Variants in SAE1 observed in about 807,000 individuals in gnomAD.
SAE1 encodes SUMO1 activating enzyme subunit 1, also known as SUMO-activating enzyme subunit 1.
In SAE1, 11 loss-of-function variants were observed where a neutral mutation model predicts 40.6. The observed-to-expected ratio is 0.27, with a 90% confidence interval of 0.17 to 0.45. The LOEUF (loss-of-function observed/expected upper bound fraction) is 0.45. Ranked by LOEUF, SAE1 falls within the 20% of genes least tolerant of loss-of-function variation. The pLI is 1.00. For synonymous variants in SAE1, 155 were observed against 154.3 expected, an observed-to-expected ratio of 1.00 and a Z score of -0.03; for missense variants, 373 against 427.3, an observed-to-expected ratio of 0.87 and a Z score of 1.12.
intron 8 of SAE1, among the ~76,000 whole-genome samples, chr19:47,208,480 G>A (rs986992190): frequency 5.3e-5 from 8 of 151,108 alleles, no homozygotes; most frequent in African/African-American, 9.7e-5. Flanking sequence ...TCACTGTGTC[G>A]CCCAGGCTGG....
At chr19:47,134,617 G>A (rs538950543) in intron 1 of SAE1, among the ~76,000 whole-genome samples, 1 of 152,146 alleles carries the variant, frequency 6.6e-6, no homozygotes, top group Non-Finnish European at 1.5e-5. Context: ...GATCCTAAAG[G>A]GTTGGGGAGG....
rs1186578867 is a variant in SAE1, at chr19:47,160,520, G to T, written c.627+5307G>T. Among the ~76,000 whole-genome samples, 6 of 148,914 alleles carry T rather than the reference G, an allele frequency of 4.0e-5. No homozygotes were observed. In the South Asian group the frequency reaches 1.1e-3, roughly 27 times the overall value. ...TGCCGTTCTCCTGCCTCAGCCTCCC[G>T]AGTAGCTGGGACTACAGATGCCCGC... On this transcript the variant is annotated intron_variant, in intron 5 of 8. Coordinates refer to ENST00000270225, the MANE Select transcript of SAE1 (RefSeq NM_005500.3).
chr19:47,138,699 G>A (rs950578662), intron 1 of SAE1, among the ~76,000 whole-genome samples: 4 of 152,092 alleles, frequency 2.6e-5, no homozygotes, highest in African/African-American at 9.7e-5. Flanking sequence ...AACAAGTAGT[G>A]TAGCTTAGCA....
In SAE1 at chr19:47,130,886, G is replaced by C. The variant is rs1313904658; in HGVS notation, c.-45G>C. 4.5e-6 allele frequency: 7 copies of C among 1,546,368 alleles called. No individual in the cohort carries two copies. The highest frequency in any genetic ancestry group is 2.0e-5 in the Admixed American group (1 of 50,524). ...AGGTGGCGCGCGGGTCCGGCGGGCG[G>C]TTGGCTTGAGCGGGACCGGAGCTGA... On this transcript the variant is annotated 5_prime_UTR_variant, in exon 1 of 9. Transcript: ENST00000270225.
At chr19:47,147,916 G>A (rs1777559897) in intron 2 of SAE1, among the ~76,000 whole-genome samples, 2 of 151,550 alleles carry the variant, frequency 1.3e-5, no homozygotes, top group African/African-American at 4.8e-5. Flanking sequence ...CCACCACCAC[G>A]CCTGGCTAAT....
chr19:47,198,775 G>A (rs1344910313), intron 7 of SAE1, among the ~76,000 whole-genome samples: 1 of 152,182 alleles, frequency 6.6e-6, no homozygotes, highest in African/African-American at 2.4e-5. Flanking sequence ...TGAAGCACCT[G>A]TGGTGCCCTG....
intron 7 of SAE1, 104 bp downstream of exon 7, chr19:47,197,481 A>C (rs910829611): frequency 1.6e-4 from 149 of 939,652 alleles, no homozygotes; most frequent in Admixed American, 1.5e-4. Context: ...TTCAGAGAGC[A>C]CCCTGCCACA....
At chr19:47,177,091 T>G (rs2058473901) in intron 6 of SAE1, among the ~76,000 whole-genome samples, 1 of 152,224 alleles carries the variant, frequency 6.6e-6, no homozygotes, top group African/African-American at 2.4e-5. Context: ...CTTGGCAATC[T>G]TAACTTGCTC....
chr19:47,157,201 A>G (rs1399098487), intron 5 of SAE1, among the ~76,000 whole-genome samples: 4 of 152,174 alleles, frequency 2.6e-5, no homozygotes, highest in African/African-American at 9.7e-5. Flanking sequence ...ATACAGAGGA[A>G]TTAAGCCCTA....
At chr19:47,158,925 G>A (rs1237546047) in intron 5 of SAE1, among the ~76,000 whole-genome samples, 1 of 152,200 alleles carries the variant, frequency 6.6e-6, no homozygotes, top group East Asian at 1.9e-4. Flanking sequence ...TAGGAGGATG[G>A]TGGGATAAAA....
At chr19:47,167,532 G>C (rs148433112) in intron 5 of SAE1, among the ~76,000 whole-genome samples, 1 of 152,144 alleles carries the variant, frequency 6.6e-6, no homozygotes, top group Admixed American at 6.6e-5. Flanking sequence ...GAGCCACTGC[G>C]CCCAGCCAAC....
chr19:47,150,389 T>TA lies in SAE1; in HGVS notation c.384+15dup. ...CAATTCGATGCTGTAAGTTTCTTAT[T>TA]ATAAAATCTGCTGTGGGAATTAAAC... On this transcript the variant is annotated intron_variant, in intron 3 of 8. Coordinates refer to ENST00000270225, the MANE Select transcript of SAE1 (RefSeq NM_005500.3). 6.3e-7 allele frequency: 1 copy of TA among 1,587,642 alleles called. No homozygotes were observed. The highest frequency in any genetic ancestry group is 1.1e-5 in the South Asian group (1 of 87,772).
chr19:47,210,272 T>C lies in SAE1; in HGVS notation c.*1021T>C, dbSNP rs890127951. The C allele has an allele frequency of 6.6e-6, 1 of 152,168 alleles. No homozygotes were observed. Among genetic ancestry groups the C allele is most frequent in the East Asian group, 1.9e-4 (1 of 5,198 alleles). 9.4% of individuals were successfully genotyped at this position (152,168 alleles called of 1,614,324 possible). On this transcript the variant is annotated 3_prime_UTR_variant, in exon 9 of 9. Coordinates refer to ENST00000270225, the MANE Select transcript of SAE1 (RefSeq NM_005500.3). ...CCAGTTGCCTTTTCAGACCTGAGGC[T>C]CTAACTCAAGAGATTCCTCCTCTCC...
chr19:47,208,674 T>G (rs560304120), intron 8 of SAE1, among the ~76,000 whole-genome samples: 83 of 152,242 alleles, frequency 5.5e-4, no homozygotes, highest in African/African-American at 1.9e-3. Flanking sequence ...ATCCGCCCAC[T>G]TCAGCCTCCC....
chr19:47,193,538 C>T (rs2058593066), intron 6 of SAE1, among the ~76,000 whole-genome samples: 1 of 150,552 alleles, frequency 6.6e-6, no homozygotes, highest in Non-Finnish European at 1.5e-5. Context: ...AAAGAAATTA[C>T]CAGCTGGGTG....
Position 47,155,208 on chromosome 19 carries a change from A to G in SAE1, c.622A>G (p.Lys208Glu). Reference sequence around the variant, plus strand: ...TGATTCTTCTGAGACAACGATGGTCAAAAAGGTATGTGTAACGTGGGGGCA... The same window carrying G: ...TGATTCTTCTGAGACAACGATGGTCGAAAAGGTATGTGTAACGTGGGGGCA... ...KLDSSETTMV[K>E]KKVVFCPVKE... Residue 208 changes from lysine (K) to glutamate (E), a missense_variant, in exon 5 of 9, where the codon AAA becomes GAA. Around this residue, in one of 3 missense-constraint regions of SAE1, gnomAD observed 351 missense variants for 390.6 expected, o/e 0.90. Coordinates refer to ENST00000270225, the MANE Select transcript of SAE1 (RefSeq NM_005500.3). The G allele has an allele frequency of 1.2e-6, 2 of 1,610,494 alleles. No individual in the cohort carries two copies. Among genetic ancestry groups the G allele is most frequent in the Non-Finnish European group, 1.7e-6 (2 of 1,176,774 alleles).
At chr19:47,208,167 G>A (rs550993100) in intron 8 of SAE1, among the ~76,000 whole-genome samples, 1 of 152,340 alleles carries the variant, frequency 6.6e-6, no homozygotes, top group African/African-American at 2.4e-5. Context: ...ACCTTTCTCA[G>A]TTGAATAGTC....
chr19:47,187,021 G>A (rs1035529357), intron 6 of SAE1, among the ~76,000 whole-genome samples: 1 of 152,076 alleles, frequency 6.6e-6, no homozygotes, highest in African/African-American at 2.4e-5. Context: ...TAGGGGTGGA[G>A]GGGGGGTGCT....
chr19:47,180,834 C>T (rs192424227), intron 6 of SAE1, among the ~76,000 whole-genome samples: 1 of 152,154 alleles, frequency 6.6e-6, no homozygotes, highest in Admixed American at 6.6e-5. Context: ...AAAGAAGATG[C>T]TTTTAAATGA....
Sources: gnomAD v4.1 joint callset for allele counts (sites outside exome capture counted in the v4.1 genomes callset) on GRCh38, gnomAD v4.1.1 for gene constraint, gnomAD v4.1.1 regional missense constraint, MANE v1.5 for transcripts, NCBI Gene and HGNC (gene_info 2026-07-23, HGNC 2026-07-21) for gene names.